The following PYGO1 variants were observed in gnomAD, a reference collection of about 807,000 sequenced individuals.
The protein encoded by PYGO1 is pygopus homolog 1.
PYGO1 carries 6 observed loss-of-function variants against 29.5 expected under a neutral mutation model. The ratio of observed to expected loss-of-function variants is 0.20; its 90% CI spans 0.11 to 0.40. The LOEUF is 0.40. Ranked by LOEUF, PYGO1 falls within the 10% of genes least tolerant of loss-of-function variation. PYGO1 has a pLI of 1.00. For synonymous variants in PYGO1, 186 were observed against 180.5 expected, an observed-to-expected ratio of 1.03 and a Z score of -0.24; for missense variants, 515 against 514.9, an observed-to-expected ratio of 1.00 and a Z score of 0.00.
At chr15:55,565,607 C>G (rs903251681) in intron 1 of PYGO1, among the ~76,000 whole-genome samples, 1 of 151,666 alleles carries the variant, frequency 6.6e-6, no homozygotes, top group Non-Finnish European at 1.5e-5. Flanking sequence ...CCCAGCTACT[C>G]AGGAGGGTGA....
At chr15:55,585,392 C>T (rs530486973) in intron 1 of PYGO1, among the ~76,000 whole-genome samples, 33 of 152,204 alleles carry the variant, frequency 2.2e-4, no homozygotes, top group Middle Eastern at 6.8e-3. Flanking sequence ...TGCATGCAGT[C>T]TGATGATATA....
At chr15:55,576,160 A>C (rs2059000633) in intron 1 of PYGO1, among the ~76,000 whole-genome samples, 1 of 152,196 alleles carries the variant, frequency 6.6e-6, no homozygotes, top group Non-Finnish European at 1.5e-5. Flanking sequence ...AAAGCTTGTT[A>C]ATTTAAAAAA....
At chr15:55,568,444 T>C (rs778646728) in intron 1 of PYGO1, among the ~76,000 whole-genome samples, 1 of 151,942 alleles carries the variant, frequency 6.6e-6, no homozygotes, top group Admixed American at 6.6e-5. Context: ...TTTTTGAACG[T>C]TGATTTTGTA....
At chr15:55,567,951 T>A (rs2058964052) in intron 1 of PYGO1, among the ~76,000 whole-genome samples, 2 of 152,234 alleles carry the variant, frequency 1.3e-5, no homozygotes, top group African/African-American at 4.8e-5. Context: ...TAAATTGTTT[T>A]CGTACCAGTA....
rs576463947 is a variant in PYGO1, at chr15:55,563,630, G to A, written c.50-14635C>T. ...CTCCCAAAGTGTTGGGATTACAGGC[G>A]TGAGCCACCACGTCCAGCCACAAAT... On this transcript the variant is annotated intron_variant, in intron 1 of 2. Coordinates refer to ENST00000563719, the MANE Select transcript of PYGO1 (RefSeq NM_001367806.1). Among the ~76,000 whole-genome samples the A allele has an allele frequency of 3.9e-5, 6 of 152,240 alleles. No homozygotes were observed. In the South Asian group the frequency reaches 1.0e-3, roughly 26 times the overall value.
intron 1 of PYGO1, among the ~76,000 whole-genome samples, chr15:55,571,273 C>A (rs2058978956): frequency 6.6e-6 from 1 of 152,148 alleles, no homozygotes; most frequent in African/African-American, 2.4e-5. Flanking sequence ...AGATGCATAC[C>A]TCGGTTGTTT....
intron 1 of PYGO1, among the ~76,000 whole-genome samples, chr15:55,572,324 T>C (rs970150411): frequency 6.6e-6 from 1 of 152,126 alleles, no homozygotes; most frequent in East Asian, 1.9e-4. Context: ...CTCCAACAAA[T>C]GGTGCTGGAA....
chr15:55,544,788 T>C lies in PYGO1; in HGVS notation c.*1235A>G, dbSNP rs561915402. On this transcript the variant is annotated 3_prime_UTR_variant, in exon 3 of 3. Transcript: ENST00000563719. ...TTAGCTGTCAAACAGCACACATTTTTTTTTTTTGGCCACAGGTTATAATCT... is the reference window on the plus strand; with the variant it reads ...TTAGCTGTCAAACAGCACACATTTTCTTTTTTTGGCCACAGGTTATAATCT... 1.5e-3 allele frequency: 223 copies of C among 152,286 alleles called. No homozygotes were observed. Among genetic ancestry groups the C allele is most frequent in the African/African-American group, 5.2e-3 (215 of 41,542 alleles). 9.4% of individuals were successfully genotyped at this position (152,286 alleles called of 1,614,324 possible).
rs1175334300 is a variant in PYGO1 at position 55,545,188 on chromosome 15, A to G, written c.*835T>C. 4 of 152,228 alleles carry G rather than the reference A, an allele frequency of 2.6e-5. No homozygotes were observed. The highest frequency in any genetic ancestry group is 5.9e-5 in the Non-Finnish European group (4 of 68,032). The allele number at this position is 152,228 out of a possible 1,614,324, so 9.4% of individuals were successfully genotyped here. A position where few individuals can be genotyped will look rare whatever the true frequency, so the allele number is the denominator to read the frequency against. On this transcript the variant is annotated 3_prime_UTR_variant, in exon 3 of 3. Transcript: ENST00000563719. ...ATGTCCCAGTTCAAAATTATAAAAAAGTATTCACAATTCTTCTGTGGATAC... is the reference window on the plus strand; with the variant it reads ...ATGTCCCAGTTCAAAATTATAAAAAGGTATTCACAATTCTTCTGTGGATAC...
chr15:55,555,768 C>T (rs889970807), intron 1 of PYGO1, among the ~76,000 whole-genome samples: 6 of 152,068 alleles, frequency 3.9e-5, no homozygotes, highest in African/African-American at 1.4e-4. Flanking sequence ...CATCGTTATG[C>T]TGTCTCCGAA....
At chr15:55,552,598 A>T (rs1595982735) in intron 1 of PYGO1, among the ~76,000 whole-genome samples, 1 of 152,080 alleles carries the variant, frequency 6.6e-6, no homozygotes, top group East Asian at 1.9e-4. Flanking sequence ...CAAGGGAAGC[A>T]GTGAGTGATT....
intron 1 of PYGO1, among the ~76,000 whole-genome samples, chr15:55,561,640 A>G (rs1445518071): frequency 1.3e-5 from 2 of 152,190 alleles, no homozygotes; most frequent in African/African-American, 4.8e-5. Flanking sequence ...ACAATTCAAG[A>G]TGAGATTTGC....
intron 1 of PYGO1, among the ~76,000 whole-genome samples, chr15:55,564,857 GCT>G (rs1346706657): frequency 6.6e-6 from 1 of 152,134 alleles, no homozygotes; most frequent in Non-Finnish European, 1.5e-5. Context: ...TTGTCTTGAG[GCT>G]CTGAGGGAAA....
intron 1 of PYGO1, among the ~76,000 whole-genome samples, chr15:55,563,713 A>G (rs1238051621): frequency 2.0e-5 from 3 of 152,096 alleles, no homozygotes; most frequent in East Asian, 1.9e-4. Flanking sequence ...AGCAGTGTAC[A>G]CTGTACCCGA....
At chr15:55,569,013 T>C (rs2058969178) in intron 1 of PYGO1, among the ~76,000 whole-genome samples, 1 of 152,154 alleles carries the variant, frequency 6.6e-6, no homozygotes, top group African/African-American at 2.4e-5. Flanking sequence ...TAAGTATGTT[T>C]ACATCTATGT....
At chr15:55,566,606 T>C (rs754250932) in intron 1 of PYGO1, among the ~76,000 whole-genome samples, 7 of 152,312 alleles carry the variant, frequency 4.6e-5, no homozygotes, top group South Asian at 2.1e-4. Flanking sequence ...AGGGGATAGC[T>C]GGGTTGAACA....
At chr15:55,552,120 C>G (rs559481682) in intron 1 of PYGO1, among the ~76,000 whole-genome samples, 1 of 151,802 alleles carries the variant, frequency 6.6e-6, no homozygotes, top group African/African-American at 2.4e-5. Flanking sequence ...TTTGGGAGGC[C>G]GAGGCAGGCA....
chr15:55,581,602 G>A (rs2059025060), intron 1 of PYGO1, among the ~76,000 whole-genome samples: 2 of 152,146 alleles, frequency 1.3e-5, no homozygotes, highest in South Asian at 2.1e-4. Context: ...TCCTCACTGG[G>A]TAAACTTATA....
rs189936971 is a variant in PYGO1, at chr15:55,549,600, G to C, written c.50-605C>G. On this transcript the variant is annotated intron_variant, in intron 1 of 2. Transcript: ENST00000563719. Reference sequence around the variant, plus strand: ...ATCCATGTATAAATGCCTTTAGAGAGATTTACAAGTAGCTCCTAGAACCAG... The same window carrying C: ...ATCCATGTATAAATGCCTTTAGAGACATTTACAAGTAGCTCCTAGAACCAG... Among the ~76,000 whole-genome samples the C allele has an allele frequency of 4.7e-3, 712 of 152,248 alleles. 3 individuals carry two copies. The highest frequency in any genetic ancestry group is 8.3e-3 in the Non-Finnish European group (567 of 68,014).
Sources: allele counts gnomAD v4.1 joint callset (sites outside exome capture counted in the v4.1 genomes callset), GRCh38; gene constraint gnomAD v4.1.1; transcripts MANE v1.5; gene names NCBI Gene and HGNC (gene_info 2026-07-23, HGNC 2026-07-21).